The following CA10 variants were observed in gnomAD, a reference collection of about 807,000 sequenced individuals.
CA10 encodes the protein carbonic anhydrase 10 (inactive), also known as carbonic anhydrase-related protein 10.
CA10 carries 14 observed loss-of-function variants against 44.2 expected under a neutral mutation model. The observed-to-expected ratio is 0.32, with a 90% confidence interval of 0.21 to 0.50. The LOEUF is 0.50. Among genes scored for constraint, CA10 ranks in the 20% least tolerant of loss-of-function variants. The pLI is 0.99. For synonymous variants in CA10, 159 were observed against 141.6 expected (o/e 1.12, Z -0.87); for missense variants, 350 against 409.7 (o/e 0.85, Z 1.26).
At chr17:51,647,993 C>A (rs916498134) in intron 6 of CA10, among the ~76,000 whole-genome samples, 3 of 152,206 alleles carry the variant, frequency 2.0e-5, no homozygotes. Context: ...AGGGACTTGG[C>A]AGTGAGCACG....
chr17:51,746,721 G>T (rs1904701532), intron 4 of CA10, among the ~76,000 whole-genome samples: 1 of 152,092 alleles, frequency 6.6e-6, no homozygotes, highest in African/African-American at 2.4e-5. Context: ...ACACATTTTG[G>T]ATGCACATTA....
At chr17:51,997,302 C>G (rs7215008) in intron 2 of CA10, among the ~76,000 whole-genome samples, 2 of 151,878 alleles carry the variant, frequency 1.3e-5, no homozygotes, top group African/African-American at 4.8e-5. Flanking sequence ...CCATACCTAG[C>G]GCTGTTTTGT....
Position 52,087,645 on chromosome 17 carries a change from T to C in CA10, c.62-15252A>G, listed in dbSNP as rs567326176. On this transcript the variant is annotated intron_variant, in intron 1 of 8. Transcript: ENST00000451037. The stretch of plus-strand genomic sequence containing the variant: ...CAGTGAGAATAGCTGCCGGAATGAG[T>C]TGTATTACAACATATTGAATATAAT... 5.1e-4 allele frequency among the ~76,000 whole-genome samples: 77 copies of C among 152,312 alleles called. 1 individual carries two copies. In the South Asian group the frequency reaches 6.4e-3, roughly 13 times the overall value.
At chr17:51,811,557 T>C (rs1907368046) in intron 3 of CA10, among the ~76,000 whole-genome samples, 1 of 152,226 alleles carries the variant, frequency 6.6e-6, no homozygotes, top group South Asian at 2.1e-4. Context: ...GTCCTTGTGA[T>C]AGCTTGCTGA....
At chr17:51,952,344 A>C (rs1983515683) in intron 2 of CA10, among the ~76,000 whole-genome samples, 1 of 152,066 alleles carries the variant, frequency 6.6e-6, no homozygotes, top group African/African-American at 2.4e-5. Context: ...CCTTTTTCCA[A>C]GTGAGGTTAT....
In CA10 at chr17:51,994,679, A is replaced by G. The variant is rs1471694804; in HGVS notation, c.137-63547T>C. 2.6e-5 allele frequency among the ~76,000 whole-genome samples: 4 copies of G among 152,106 alleles called. No homozygotes were observed. In the East Asian group the frequency reaches 5.8e-4, roughly 22 times the overall value. Reference sequence around the variant, plus strand: ...TAAATTTAGAATAAACTATATACATATAGACCAATTTATTGATTTATAGTA... The same window carrying G: ...TAAATTTAGAATAAACTATATACATGTAGACCAATTTATTGATTTATAGTA... On this transcript the variant is annotated intron_variant, in intron 2 of 8. Transcript: ENST00000451037.
At chr17:51,826,804 T>C (rs1282769909) in intron 3 of CA10, among the ~76,000 whole-genome samples, 2 of 152,222 alleles carry the variant, frequency 1.3e-5, no homozygotes, top group Admixed American at 1.3e-4. Context: ...CTCATTGGTC[T>C]GGCTATGTCC....
At chr17:52,057,445 T>G (rs1987260308) in intron 2 of CA10, among the ~76,000 whole-genome samples, 1 of 130,078 alleles carries the variant, frequency 7.7e-6, no homozygotes, top group African/African-American at 2.5e-5. Flanking sequence ...ACATTTTATT[T>G]TCTCTAGCTT....
At chr17:51,856,713 C>T (rs1310327492) in intron 3 of CA10, among the ~76,000 whole-genome samples, 1 of 152,156 alleles carries the variant, frequency 6.6e-6, no homozygotes, top group African/African-American at 2.4e-5. Flanking sequence ...CCCTTTACTA[C>T]AAGCTGCTTG....
At chr17:52,022,510 G>A (rs1271094478) in intron 2 of CA10, among the ~76,000 whole-genome samples, 3 of 151,948 alleles carry the variant, frequency 2.0e-5, no homozygotes, top group Non-Finnish European at 4.4e-5. Flanking sequence ...ATGAGTGGGT[G>A]AAAGCTAGAA....
intron 1 of CA10, among the ~76,000 whole-genome samples, chr17:52,099,037 C>T (rs892499576): frequency 9.2e-5 from 14 of 151,986 alleles, no homozygotes; most frequent in Admixed American, 2.0e-4. Context: ...TGGTGTTATG[C>T]TGAAAATAAT....
intron 4 of CA10, among the ~76,000 whole-genome samples, chr17:51,696,335 A>G (rs554833537): frequency 1.3e-5 from 2 of 152,230 alleles, no homozygotes; most frequent in East Asian, 1.9e-4. Context: ...TACTGATTCA[A>G]TTTTGGAACT....
intron 1 of CA10, among the ~76,000 whole-genome samples, chr17:52,102,969 CATGTATTAGATTTTTTTTTTCCTGCT>C (rs1220273489): frequency 6.6e-6 from 1 of 152,074 alleles, no homozygotes; most frequent in Non-Finnish European, 1.5e-5. Context: ...CAAGGGCTTT[CATGTATTAGATTTTTTTTTTCCTGCT>C]ATGTGCACGC....
At chr17:51,868,292 C>T (rs764623248) in intron 3 of CA10, among the ~76,000 whole-genome samples, 43 of 152,018 alleles carry the variant, frequency 2.8e-4, no homozygotes, top group Non-Finnish European at 2.9e-4. Flanking sequence ...GAATCTATTC[C>T]GCTCCTTCTC....
At chr17:51,668,590 G>A (rs1415787624) in intron 4 of CA10, among the ~76,000 whole-genome samples, 4 of 152,198 alleles carry the variant, frequency 2.6e-5, no homozygotes, top group African/African-American at 9.7e-5. Context: ...CCGGTGTACT[G>A]TCCTGATATT....
intron 6 of CA10, among the ~76,000 whole-genome samples, chr17:51,645,440 C>T (rs1039562579): frequency 6.6e-6 from 1 of 152,212 alleles, no homozygotes; most frequent in Non-Finnish European, 1.5e-5. Context: ...CTCTGAATGA[C>T]TGATTTCCAC....
chr17:52,117,751 A>C (rs541529762), intron 1 of CA10, among the ~76,000 whole-genome samples: 1 of 152,346 alleles, frequency 6.6e-6, no homozygotes, highest in South Asian at 2.1e-4. Context: ...ATTTACATAC[A>C]AGGTGTGTAA....
intron 2 of CA10, among the ~76,000 whole-genome samples, chr17:52,020,970 A>C (rs1032781534): frequency 1.3e-5 from 2 of 151,998 alleles, no homozygotes; most frequent in South Asian, 4.1e-4. Context: ...TGTTGCTGCA[A>C]AAGACAGGAT....
rs890651067 is a variant in CA10 at position 51,737,515 on chromosome 17, C to T, written c.465+10118G>A. Among the ~76,000 whole-genome samples the T allele has an allele frequency of 3.3e-5, 5 of 152,102 alleles. No individual in the cohort carries two copies. The South Asian group carries it at 6.2e-4, about 19-fold the overall frequency. On this transcript the variant is annotated intron_variant, in intron 4 of 8. Coordinates refer to ENST00000451037, the MANE Select transcript of CA10 (RefSeq NM_020178.5). ...CCCTATCACAGAAGAGTTTTCTTTG[C>T]ATTGCACAATTACCCTATAATATAT...
Sources: allele counts gnomAD v4.1 joint callset (sites outside exome capture counted in the v4.1 genomes callset), GRCh38; gene constraint gnomAD v4.1.1; transcripts MANE v1.5; gene names NCBI Gene and HGNC (gene_info 2026-07-23, HGNC 2026-07-21).